RAB11FIP3: variants seen among roughly 807,000 people sequenced by gnomAD.
RAB11FIP3 encodes rab11 family-interacting protein 3.
A neutral mutation model predicts 77.8 loss-of-function variants in RAB11FIP3; 17 were observed. That is an observed-to-expected ratio of 0.22 (90% CI 0.15 to 0.33). The LOEUF (loss-of-function observed/expected upper bound fraction) is 0.33, where lower values mean the gene tolerates loss of function less well. Among genes scored for constraint, RAB11FIP3 ranks in the 10% least tolerant of loss-of-function variants. The pLI, the probability that RAB11FIP3 is intolerant of heterozygous loss-of-function variation, is 1.00. For missense variants in RAB11FIP3, 1,005 were observed against 1,011.2 expected, an observed-to-expected ratio of 0.99 and a Z score of 0.08; for synonymous variants, 437 against 448.2, an observed-to-expected ratio of 0.98 and a Z score of 0.31.
At chr16:483,306 C>T (rs1300034940) in intron 4 of RAB11FIP3, among the ~76,000 whole-genome samples, 4 of 152,196 alleles carry the variant, frequency 2.6e-5, no homozygotes, top group Non-Finnish European at 2.9e-5. Context: ...TCTCAGCCTT[C>T]AGCCAACTGA....
chr16:491,311 T>G (rs2030163719), intron 5 of RAB11FIP3: 2 of 1,288,414 alleles, frequency 1.6e-6, no homozygotes, highest in Non-Finnish European at 2.0e-6. Flanking sequence ...TCCCAGGGTG[T>G]GGGGGACTCC....
chr16:489,846 G>T (rs192196876), intron 5 of RAB11FIP3, among the ~76,000 whole-genome samples: 1 of 152,168 alleles, frequency 6.6e-6, no homozygotes, highest in Non-Finnish European at 1.5e-5. Flanking sequence ...CCTTGAAGCC[G>T]CCCGTCAGCC....
Position 482,633 on chromosome 16 carries a change from C to A in RAB11FIP3, c.1012C>A (p.Pro338Thr), listed in dbSNP as rs1030048785. The A allele has an allele frequency of 6.2e-7, 1 of 1,613,506 alleles. No individual in the cohort carries two copies. The highest frequency in any genetic ancestry group is 8.5e-7 in the Non-Finnish European group (1 of 1,180,054). ...CACCCTGGTGCACCCTGAGCTGCAA[C>A]CTGAAGGGGACGCAGACAGTGCCGG... Reference protein sequence around the residue: ...TSTLVHPELQPEGDADSAGGS... With the variant: ...TSTLVHPELQTEGDADSAGGS... The change falls in exon 4 of 14, where the codon CCT becomes ACT. Residue 338 changes from proline (P) to threonine (T), a missense_variant. By Grantham distance (38) the Pro-to-Thr change is conservative. This residue lies in a region of RAB11FIP3 where 433 missense variants were observed against 436.1 expected (regional missense o/e 0.99). Coordinates refer to ENST00000262305, the MANE Select transcript of RAB11FIP3 (RefSeq NM_014700.4).
intron 3 of RAB11FIP3, among the ~76,000 whole-genome samples, chr16:474,368 G>A (rs1364563334): frequency 2.0e-5 from 3 of 152,178 alleles, no homozygotes; most frequent in Non-Finnish European, 4.4e-5. Context: ...TGGGTCTGCT[G>A]GCTCGCACTG....
chr16:512,748 G>A (rs1303880307), intron 9 of RAB11FIP3, among the ~76,000 whole-genome samples: 2 of 150,580 alleles, frequency 1.3e-5, no homozygotes, highest in Admixed American at 6.6e-5. Context: ...TCACCATGTT[G>A]GCCAGGATAG....
intron 4 of RAB11FIP3, among the ~76,000 whole-genome samples, chr16:484,233 TC>T (rs1297673223): frequency 2.0e-5 from 3 of 152,136 alleles, no homozygotes; most frequent in Non-Finnish European, 4.4e-5. Context: ...CCCAGGGTCC[TC>T]CCAGGCCCCT....
chr16:505,261 G>A lies in RAB11FIP3; in HGVS notation c.1396-263G>A, dbSNP rs1296713564. ...CTGCCCACCAGCCAGCCAGTCCAAA[G>A]GCACCCCTGGGCCCCGAGCCCTCAG... is the stretch of plus-strand genomic sequence containing the variant. On this transcript the variant is annotated intron_variant, in intron 7 of 13. Coordinates refer to ENST00000262305, the MANE Select transcript of RAB11FIP3 (RefSeq NM_014700.4). The surrounding 1 kb of genome is among the most constrained non-coding windows in gnomAD (Gnocchi z 4.0). Among the ~76,000 whole-genome samples, 3 of 152,008 alleles carry A rather than the reference G, an allele frequency of 2.0e-5. No homozygotes were observed. The highest frequency in any genetic ancestry group is 2.9e-5 in the Non-Finnish European group (2 of 68,022).
rs542996892 is a variant in RAB11FIP3, at chr16:496,644, G to A, written c.1266-180G>A. ...TATGCGGCCTCACCCCAGCACTGCC[G>A]TGTCCTTGCTGTTTTGCTGAGTGAG... On this transcript the variant is annotated intron_variant, in intron 5 of 13. Coordinates refer to ENST00000262305, the MANE Select transcript of RAB11FIP3 (RefSeq NM_014700.4). Among the ~76,000 whole-genome samples the A allele has an allele frequency of 2.6e-3, 389 of 152,324 alleles. 2 individuals are homozygous for A. The highest frequency in any genetic ancestry group is 8.9e-3 in the African/African-American group (370 of 41,566).
At chr16:457,511 C>CTTTTT (rs35462064) in intron 1 of RAB11FIP3, among the ~76,000 whole-genome samples, 1 of 139,064 alleles carries the variant, frequency 7.2e-6, no homozygotes, top group African/African-American at 2.6e-5. Flanking sequence ...ACAGTTTCAC[C>CTTTTT]TTTTTTTTTT....
intron 8 of RAB11FIP3, among the ~76,000 whole-genome samples, chr16:509,914 A>T (rs546606028): frequency 9.1e-4 from 139 of 152,256 alleles, no homozygotes; most frequent in African/African-American, 3.2e-3. Context: ...CTGAAGGCAG[A>T]CTCCGCCAGC....
intron 5 of RAB11FIP3, among the ~76,000 whole-genome samples, chr16:490,365 G>A (rs1018109369): frequency 2.0e-5 from 3 of 152,202 alleles, no homozygotes; most frequent in African/African-American, 4.8e-5. Context: ...TCGACAGGTC[G>A]GTCTTTTTGG....
chr16:497,646 G>T (rs957622121), intron 6 of RAB11FIP3, among the ~76,000 whole-genome samples: 4 of 152,256 alleles, frequency 2.6e-5, no homozygotes, highest in African/African-American at 9.6e-5. Flanking sequence ...ACACTGGTGG[G>T]TTCCTTTGTT....
intron 5 of RAB11FIP3, among the ~76,000 whole-genome samples, chr16:494,906 G>T (rs12920985): frequency 1.4e-5 from 2 of 144,770 alleles, no homozygotes; most frequent in African/African-American, 2.6e-5. Flanking sequence ...GATCACATGA[G>T]CCGGGGAGGT....
intron 3 of RAB11FIP3, among the ~76,000 whole-genome samples, chr16:481,494 A>T (rs1248088074): frequency 6.6e-6 from 1 of 152,166 alleles, no homozygotes; most frequent in Non-Finnish European, 1.5e-5. Context: ...CTGGGCGATA[A>T]GAGTGAGACC....
intron 6 of RAB11FIP3, among the ~76,000 whole-genome samples, chr16:497,972 A>T (rs563942125): frequency 8.5e-4 from 121 of 142,508 alleles, no homozygotes; most frequent in African/African-American, 2.5e-3. Context: ...ATTAAAAATT[A>T]AAAAAAAAAA....
Position 489,012 on chromosome 16 carries a change from T to A in RAB11FIP3, c.1265+12T>A, listed in dbSNP as rs375253048. 1.2e-6 allele frequency: 2 copies of A among 1,611,352 alleles called. No individual in the cohort carries two copies. Among genetic ancestry groups the A allele is most frequent in the African/African-American group, 2.7e-5 (2 of 74,848 alleles). On this transcript the variant is annotated intron_variant, in intron 5 of 13. Transcript: ENST00000262305. ...TTCCTCACGCCCAGGTAATGACGCC[T>A]TGTTCCAGCACACCCTCCTCCCTCT...
At chr16:478,093 C>A (rs1013496347) in intron 3 of RAB11FIP3, among the ~76,000 whole-genome samples, 1 of 152,198 alleles carries the variant, frequency 6.6e-6, no homozygotes, top group African/African-American at 2.4e-5. Context: ...CTCCTGGCAG[C>A]TCGGCCTGGC....
At chr16:449,348 C>A (rs140751918) in intron 1 of RAB11FIP3, among the ~76,000 whole-genome samples, 1 of 152,086 alleles carries the variant, frequency 6.6e-6, no homozygotes, top group South Asian at 2.1e-4. Flanking sequence ...AACTGAGGAC[C>A]CTGTTTGCTG....
chr16:469,357 A>G (rs2055770491), intron 2 of RAB11FIP3, among the ~76,000 whole-genome samples: 1 of 152,074 alleles, frequency 6.6e-6, no homozygotes, highest in Non-Finnish European at 1.5e-5. Context: ...TGTAGGCGTG[A>G]GCCACCATGC....
Sources: gnomAD v4.1 joint callset for allele counts (sites outside exome capture counted in the v4.1 genomes callset) on GRCh38, gnomAD v4.1.1 for gene constraint, gnomAD v4.1.1 regional missense constraint, Gnocchi (gnomAD v3.1) non-coding constraint, MANE v1.5 for transcripts, NCBI Gene and HGNC (gene_info 2026-07-23, HGNC 2026-07-21) for gene names.